GJC2: variants seen among roughly 807,000 people sequenced by gnomAD.
GJC2 encodes the protein gap junction gamma-2 protein.
For synonymous variants in GJC2, 336 were observed against 307.5 expected, an observed-to-expected ratio of 1.09 and a Z score of -0.97; for missense variants, 647 against 648.9, an observed-to-expected ratio of 1.00 and a Z score of 0.03.
intron 1 of GJC2, among the ~76,000 whole-genome samples, chr1:228,156,253 ACT>A (rs1336044045): frequency 6.6e-6 from 1 of 152,310 alleles, no homozygotes; most frequent in Non-Finnish European, 1.5e-5. Flanking sequence ...TGTATGTGCC[ACT>A]GTTTTCATGC....
chr1:228,155,036 G>A (rs2034662978), intron 1 of GJC2, among the ~76,000 whole-genome samples: 1 of 152,224 alleles, frequency 6.6e-6, no homozygotes, highest in Admixed American at 6.5e-5. Context: ...CATCCACATA[G>A]CTGTATTTTC....
rs778181207 is a variant in GJC2 at position 228,158,470 on chromosome 1, G to A, written c.712G>A (p.Glu238Lys). 6 of 1,611,820 alleles carry A rather than the reference G, an allele frequency of 3.7e-6. No individual in the cohort carries two copies. In the South Asian group the frequency reaches 5.5e-5, roughly 15 times the overall value. The change falls in exon 2 of 2, where the codon GAG becomes AAG. Residue 238 changes from glutamate to lysine, a missense_variant. Coordinates refer to ENST00000366714, the MANE Select transcript of GJC2 (RefSeq NM_020435.4). The surrounding 1 kb of genome is among the most constrained non-coding windows in gnomAD (Gnocchi z 8.3). ...LVGQYLLYGF[E>K]VRPFFPCSRQ... is the part of the protein sequence containing the mutation. Reference sequence around the variant, plus strand: ...GGGCCAGTACCTGCTGTACGGCTTCGAGGTGCGACCGTTCTTTCCCTGCAG... The same window carrying A: ...GGGCCAGTACCTGCTGTACGGCTTCAAGGTGCGACCGTTCTTTCCCTGCAG...
In GJC2 at chr1:228,158,515, G is replaced by A. The variant is rs2034720715; in HGVS notation, c.757G>A (p.Val253Met). 1 of 1,612,944 alleles carries A rather than the reference G, an allele frequency of 6.2e-7. No homozygotes were observed. Among genetic ancestry groups the A allele is most frequent in the Admixed American group, 1.7e-5 (1 of 60,008 alleles). Residue 253 changes from valine (V) to methionine (M), a missense_variant, in exon 2 of 2, where the codon GTG (valine) becomes ATG (methionine). Transcript: ENST00000366714. The surrounding 1 kb of genome is among the most constrained non-coding windows in gnomAD (Gnocchi z 8.3). ...CTGCAGCCGCCAGCCCTGCCCGCAC[G>A]TGGTGGACTGCTTCGTGTCGCGCCC... ...FPCSRQPCPH[V>M]VDCFVSRPTE...
chr1:228,159,280 G>T lies in GJC2; in HGVS notation c.*202G>T, dbSNP rs1213548447. The T allele has an allele frequency of 6.4e-6, 4 of 628,876 alleles. No individual in the cohort carries two copies. Among genetic ancestry groups the T allele is most frequent in the Non-Finnish European group, 1.1e-5 (4 of 355,750 alleles). 39.0% of individuals were successfully genotyped at this position (628,876 alleles called of 1,614,324 possible). A position where few individuals can be genotyped will look rare whatever the true frequency, so the allele number is the denominator to read the frequency against. ...TGGTCACCACTGGGGCCAAGGTGGG[G>T]TGGAGAGAGGCCTAGGAGCCAGAAA... On this transcript the variant is annotated 3_prime_UTR_variant, in exon 2 of 2. Coordinates refer to ENST00000366714, the MANE Select transcript of GJC2 (RefSeq NM_020435.4). This position sits in a 1 kb window ranked among gnomAD's most constrained non-coding sequence, Gnocchi z 4.0.
chr1:228,158,082 G>A lies in GJC2; in HGVS notation c.324G>A (p.Gln108=), dbSNP rs762284962. ...ACCGCCTGGCCCGTGCGTCTGAGCA[G>A]GAGCGGCGCCGCGCCCTCCGCCGCC... ...AVHRLARASE[Q]ERRRALRRRP... Residue 108 remains glutamine, a synonymous_variant, in exon 2 of 2, where the codon CAG becomes CAA. Transcript: ENST00000366714. This position sits in a 1 kb window ranked among gnomAD's most constrained non-coding sequence, Gnocchi z 8.3. The A allele has an allele frequency of 1.4e-5, 22 of 1,586,094 alleles. No homozygotes were observed. Among genetic ancestry groups the A allele is most frequent in the South Asian group, 1.2e-4 (11 of 89,586 alleles).
rs769136859 is a variant in GJC2, at chr1:228,152,445, C to T, written c.-20+2438C>T. Reference sequence around the variant, plus strand: ...GAGCTTGATGGGGGAGGGGGCCCGGCTCTGACCGGTGTCCTGAGATACCAG... The same window carrying T: ...GAGCTTGATGGGGGAGGGGGCCCGGTTCTGACCGGTGTCCTGAGATACCAG... On this transcript the variant is annotated intron_variant, in intron 1 of 1. Coordinates refer to ENST00000366714, the MANE Select transcript of GJC2 (RefSeq NM_020435.4). This position sits in a 1 kb window ranked among gnomAD's most constrained non-coding sequence, Gnocchi z 7.3. Among the ~76,000 whole-genome samples the T allele has an allele frequency of 6.6e-6, 1 of 152,050 alleles. No homozygotes were observed. The highest frequency in any genetic ancestry group is 2.4e-5 in the African/African-American group (1 of 41,402).
intron 1 of GJC2, among the ~76,000 whole-genome samples, chr1:228,156,318 ATC>A (rs776022623): frequency 1.1e-4 from 16 of 152,240 alleles, no homozygotes; most frequent in Admixed American, 3.3e-4. Context: ...GTACACATAC[ATC>A]TGTTTGCATT....
Position 228,158,612 on chromosome 1 carries a change from A to G in GJC2, c.854A>G (p.Glu285Gly). The G allele has an allele frequency of 6.2e-7, 1 of 1,610,408 alleles. No homozygotes were observed. Residue 285 changes from glutamate to glycine, a missense_variant, in exon 2 of 2, where the codon GAG becomes GGG. Glu to Gly is a moderately conservative substitution (Grantham distance 98, BLOSUM62 -2). Transcript: ENST00000366714. The surrounding 1 kb of genome is among the most constrained non-coding windows in gnomAD (Gnocchi z 8.3). ...SCLCLLLNLC[E>G]MAHLGLGSAQ... is the part of the protein sequence containing the mutation. ...CTGTGCCTGCTGCTCAACCTCTGTG[A>G]GATGGCCCACCTGGGCTTGGGCAGC...
rs1391047082 is a variant in GJC2 at position 228,158,850 on chromosome 1, TG to T, written c.1096del (p.Asp366ThrfsTer105). On this transcript the variant is annotated frameshift_variant, in exon 2 of 2. Coordinates refer to ENST00000366714, the MANE Select transcript of GJC2 (RefSeq NM_020435.4). LOFTEE classifies it low-confidence loss of function (END_TRUNC). The surrounding 1 kb of genome is among the most constrained non-coding windows in gnomAD (Gnocchi z 8.3). ...AGGCGCTGCGCGACGGGGCAGCGGC[TG>T]GGGACCGCGACCGGGACAGTTCGCC... ...LQALRDGAAA[G>X]DRDRDSSPCV... 3 of 1,474,038 alleles carry T rather than the reference TG, an allele frequency of 2.0e-6. No homozygotes were observed. Among genetic ancestry groups the T allele is most frequent in the Non-Finnish European group, 2.7e-6 (3 of 1,118,290 alleles). 91.3% of individuals were successfully genotyped at this position (1,474,038 alleles called of 1,614,324 possible).
In GJC2 at chr1:228,158,278, G is replaced by A; in HGVS notation, c.520G>A (p.Ala174Thr). The A allele has an allele frequency of 2.6e-6, 4 of 1,528,042 alleles. No homozygotes were observed. The highest frequency in any genetic ancestry group is 1.4e-5 in the African/African-American group (1 of 72,826). The allele number at this position is 1,528,042 out of a possible 1,614,324, so 94.7% of individuals were successfully genotyped here. Residue 174 changes from alanine to threonine, a missense_variant, in exon 2 of 2, where the codon GCG becomes ACG. Ala to Thr is a moderately conservative substitution (Grantham distance 58). Coordinates refer to ENST00000366714, the MANE Select transcript of GJC2 (RefSeq NM_020435.4). The surrounding 1 kb of genome is among the most constrained non-coding windows in gnomAD (Gnocchi z 8.3). ...CGGCGAGGAAGCGGAGGAGGCAGGCGCGGAGGAGGCGTGCACTAAGGCGGT... is the reference window on the plus strand; with the variant it reads ...CGGCGAGGAAGCGGAGGAGGCAGGCACGGAGGAGGCGTGCACTAAGGCGGT... Reference protein sequence around the residue: ...GAGEEAEEAGAEEACTKAVGA... With the variant: ...GAGEEAEEAGTEEACTKAVGA...
Position 228,157,756 on chromosome 1 carries a change from C to T in GJC2, c.-3C>T. On this transcript the variant is annotated 5_prime_UTR_variant, in exon 2 of 2. Coordinates refer to ENST00000366714, the MANE Select transcript of GJC2 (RefSeq NM_020435.4). Reference sequence around the variant, plus strand: ...GCCCCACAGGACCCGCCCGCCCGCCCCTATGACCAACATGAGCTGGAGCTT... The same window carrying T: ...GCCCCACAGGACCCGCCCGCCCGCCTCTATGACCAACATGAGCTGGAGCTT... 1.7e-6 allele frequency: 1 copy of T among 588,592 alleles called. No individual in the cohort carries two copies. Among genetic ancestry groups the T allele is most frequent in the Non-Finnish European group, 3.0e-6 (1 of 338,062 alleles). 36.5% of individuals were successfully genotyped at this position (588,592 alleles called of 1,614,324 possible). A position where few individuals can be genotyped will look rare whatever the true frequency, so the allele number is the denominator to read the frequency against.
Position 228,158,672 on chromosome 1 carries a change from C to A in GJC2, c.914C>A (p.Pro305Gln), listed in dbSNP as rs772019241. 1.4e-5 allele frequency: 18 copies of A among 1,265,132 alleles called. No individual in the cohort carries two copies. The highest frequency in any genetic ancestry group is 1.6e-5 in the African/African-American group (1 of 62,408). The allele number at this position is 1,265,132 out of a possible 1,614,324, so 78.4% of individuals were successfully genotyped here. ...GCGGTGCGCGGCCGCCGCGGCCCCC[C>A]GGCCTCCGCCCCCGCCCCCGCGCCG... ...QDAVRGRRGP[P>Q]ASAPAPAPRP... Residue 305 changes from proline (P) to glutamine (Q), a missense_variant, in exon 2 of 2, where the codon CCG becomes CAG. By Grantham distance (76) the Pro-to-Gln change is moderately conservative. Coordinates refer to ENST00000366714, the MANE Select transcript of GJC2 (RefSeq NM_020435.4). This position sits in a 1 kb window ranked among gnomAD's most constrained non-coding sequence, Gnocchi z 8.3.
At position 228,158,469 on chromosome 1, in the gene GJC2, C is replaced by G. The variant is rs2034719672; in HGVS notation, c.711C>G (p.Phe237Leu). ...FLVGQYLLYG[F>L]EVRPFFPCSR... ...TGGGCCAGTACCTGCTGTACGGCTT[C>G]GAGGTGCGACCGTTCTTTCCCTGCA... Residue 237 changes from phenylalanine (F) to leucine (L), a missense_variant, in exon 2 of 2, where the codon TTC becomes TTG. Coordinates refer to ENST00000366714, the MANE Select transcript of GJC2 (RefSeq NM_020435.4). The surrounding 1 kb of genome is among the most constrained non-coding windows in gnomAD (Gnocchi z 8.3). 1.2e-6 allele frequency: 2 copies of G among 1,611,602 alleles called. No individual in the cohort carries two copies. Among genetic ancestry groups the G allele is most frequent in the South Asian group, 2.2e-5 (2 of 91,090 alleles).
At chr1:228,156,297 T>G (rs1202382864) in intron 1 of GJC2, among the ~76,000 whole-genome samples, 2 of 152,268 alleles carry the variant, frequency 1.3e-5, no homozygotes, top group Non-Finnish European at 2.9e-5. Context: ...CAAAGAAGCA[T>G]GCCTGTGGAT....
intron 1 of GJC2, 137 bp from the exon 2 acceptor site, chr1:228,157,603 G>A (rs2034701635): frequency 3.3e-6 from 2 of 614,754 alleles, no homozygotes; most frequent in Non-Finnish European, 2.9e-6. Context: ...TTCCACTTCC[G>A]TTTAAGGCGG....
chr1:228,157,737 C>CTGGGGGGGGG lies in GJC2; in HGVS notation c.-19-3_-19-2insTGGGGGGGGG. ...CCTGGCTGACCCCTACCCCGCCCCACAGGACCCGCCCGCCCGCCCCTATGA... is the reference window on the plus strand; with the variant it reads ...CCTGGCTGACCCCTACCCCGCCCCACTGGGGGGGGGAGGACCCGCCCGCCCGCCCCTATGA... On this transcript the variant is annotated splice_region_variant and splice_polypyrimidine_tract_variant and intron_variant, in intron 1 of 1. Coordinates refer to ENST00000366714, the MANE Select transcript of GJC2 (RefSeq NM_020435.4). The CTGGGGGGGGG allele has an allele frequency of 1.5e-6, 1 of 682,662 alleles. No individual in the cohort carries two copies. The highest frequency in any genetic ancestry group is 2.7e-6 in the Non-Finnish European group (1 of 374,192). The allele number at this position is 682,662 out of a possible 1,614,324, so 42.3% of individuals were successfully genotyped here.
chr1:228,158,394 G>C lies in GJC2; in HGVS notation c.636G>C (p.Val212=). The part of the protein sequence containing the change: ...RRIQREGLMR[V]YVAQLVARAA... ...TCCAGCGGGAGGGCCTGATGCGCGT[G>C]TACGTGGCCCAGCTGGTGGCCAGGG... The change falls in exon 2 of 2, where the codon GTG becomes GTC. Residue 212 remains valine (V), a synonymous_variant. Coordinates refer to ENST00000366714, the MANE Select transcript of GJC2 (RefSeq NM_020435.4). The surrounding 1 kb of genome is among the most constrained non-coding windows in gnomAD (Gnocchi z 8.3). 1.2e-6 allele frequency: 2 copies of C among 1,605,014 alleles called. No individual in the cohort carries two copies. Among genetic ancestry groups the C allele is most frequent in the Non-Finnish European group, 1.7e-6 (2 of 1,179,276 alleles).
In GJC2 at chr1:228,158,688, C is replaced by CCCCGCG; in HGVS notation, c.933_938dup (p.Ala312_Pro313dup). ...GCGGCCCCCCGGCCTCCGCCCCCGC[C>CCCCGCG]CCCGCGCCGCGGCCCCCGCCCTGCG... On this transcript the variant is annotated inframe_insertion, in exon 2 of 2. Transcript: ENST00000366714. This position sits in a 1 kb window ranked among gnomAD's most constrained non-coding sequence, Gnocchi z 8.3. The CCCCGCG allele has an allele frequency of 9.4e-7, 1 of 1,059,024 alleles. No homozygotes were observed. The highest frequency in any genetic ancestry group is 1.1e-6 in the Non-Finnish European group (1 of 877,172). The allele number at this position is 1,059,024 out of a possible 1,614,324, so 65.6% of individuals were successfully genotyped here.
Position 228,158,211 on chromosome 1 carries a change from C to CGAGGAG in GJC2, c.469_474dup (p.Glu157_Glu158dup), listed in dbSNP as rs746050475. On this transcript the variant is annotated inframe_insertion, in exon 2 of 2. Transcript: ENST00000366714. The surrounding 1 kb of genome is among the most constrained non-coding windows in gnomAD (Gnocchi z 8.3). ...AGGAGGAGCCCATGCTGGGCCTGGG[C>CGAGGAG]GAGGAGGAGGAGGAGGAGGAGACGG... The CGAGGAG allele has an allele frequency of 4.7e-6, 7 of 1,480,116 alleles. No homozygotes were observed. Among genetic ancestry groups the CGAGGAG allele is most frequent in the African/African-American group, 2.8e-5 (2 of 70,924 alleles). 91.7% of individuals were successfully genotyped at this position (1,480,116 alleles called of 1,614,324 possible).
Sources: gnomAD v4.1 joint callset for allele counts (sites outside exome capture counted in the v4.1 genomes callset) on GRCh38, gnomAD v4.1.1 for gene constraint, Gnocchi (gnomAD v3.1) non-coding constraint, MANE v1.5 for transcripts, NCBI Gene and HGNC (gene_info 2026-07-23, HGNC 2026-07-21) for gene names.